Variants in AOPEP observed in about 807,000 individuals in gnomAD.
AOPEP encodes aminopeptidase O (putative), also known as aminopeptidase O.
AOPEP carries 77 observed loss-of-function variants against 98.1 expected under a neutral mutation model. That is an observed-to-expected ratio of 0.78 (90% CI 0.65 to 0.95). AOPEP has a LOEUF of 0.95. AOPEP is among the 40% of genes least tolerant of loss of function. AOPEP has a pLI of 0.00. For missense variants in AOPEP, 1,024 were observed against 1,024.7 expected (o/e 1.00, Z 0.01); for synonymous variants, 346 against 365.3 (o/e 0.95, Z 0.60).
At chr9:95,130,281 T>A in the AOPEP span, among the ~76,000 whole-genome samples, 1 of 148,082 alleles carries the variant, frequency 6.8e-6, no homozygotes, top group South Asian at 2.2e-4. Context: ...ATTTGCTGAT[T>A]CTGTGTGTGT....
chr9:94,980,259 G>T lies in AOPEP; in HGVS notation c.1977+832G>T, dbSNP rs1345322646. On this transcript the variant is annotated intron_variant, in intron 11 of 16. Transcript: ENST00000375315. This position sits in a 1 kb window ranked among gnomAD's most constrained non-coding sequence, Gnocchi z 4.3. ...TCTGAGGGTGGGATCCCAGATGCGC[G>T]GTCAGAGGACCCTGCAGGCTGGGAG... 1.3e-5 allele frequency among the ~76,000 whole-genome samples: 2 copies of T among 152,224 alleles called. No homozygotes were observed. Among genetic ancestry groups the T allele is most frequent in the Admixed American group, 6.5e-5 (1 of 15,290 alleles).
rs184719129 is a variant in AOPEP at position 95,060,757 on chromosome 9, C to G, written c.2179C>G (p.Arg727Gly). 5.0e-6 allele frequency: 8 copies of G among 1,613,972 alleles called. No homozygotes were observed. The African/African-American group carries it at 1.1e-4, about 22-fold the overall frequency. The change falls in exon 14 of 17, where the codon CGA becomes GGA. Residue 727 changes from arginine (R) to glycine (G), a missense_variant. By Grantham distance (125) the Arg-to-Gly change is moderately radical. Transcript: ENST00000375315. The part of the protein sequence containing the change: ...HLLEQKTLSP[R>G]TLQSLQRTYH... ...CTTGGAGCAGAAGACTCTGAGCCCC[C>G]GAACTCTGCAAAGCCTCCAGAGGAC...
the AOPEP span, chr9:95,150,006 C>G: frequency 6.2e-7 from 1 of 1,614,066 alleles, no homozygotes; most frequent in East Asian, 2.2e-5. Flanking sequence ...TGAGGAGAGC[C>G]TCCACCAGGG....
At chr9:94,928,397 G>A in intron 6 of AOPEP, 28 bp from the exon 7 acceptor site, 1 of 1,479,174 alleles carries the variant, frequency 6.8e-7, no homozygotes. Context: ...TTTTGTGCAT[G>A]TGTGTCTGTG....
intron 5 of AOPEP, among the ~76,000 whole-genome samples, chr9:94,887,983 GGCCATTGTTT>G (rs1365820547): frequency 6.6e-6 from 1 of 152,072 alleles, no homozygotes; most frequent in African/African-American, 2.4e-5. Context: ...CCAAGTATAA[GGCCATTGTTT>G]GCTTTGACTA....
chr9:95,117,372 T>A, the AOPEP span: 1 of 1,613,950 alleles, frequency 6.2e-7, no homozygotes, highest in Non-Finnish European at 8.5e-7. Context: ...GGAAAGTAGG[T>A]CTTGAGTGCA....
intron 13 of AOPEP, among the ~76,000 whole-genome samples, chr9:95,027,234 T>C (rs1356453825): frequency 3.9e-5 from 6 of 152,008 alleles, no homozygotes; most frequent in Admixed American, 3.9e-4. Context: ...TATACCCCAG[T>C]GTGGGTGACA....
intron 5 of AOPEP, among the ~76,000 whole-genome samples, chr9:94,802,277 A>G (rs1848366242): frequency 6.6e-6 from 1 of 152,042 alleles, no homozygotes; most frequent in African/African-American, 2.4e-5. Context: ...TTATTTGTAC[A>G]TGGGTTTGAG....
chr9:94,737,298 G>C (rs1587963801), intron 1 of AOPEP, among the ~76,000 whole-genome samples: 1 of 152,108 alleles, frequency 6.6e-6, no homozygotes, highest in East Asian at 1.9e-4. Context: ...TTGTAGAGAT[G>C]GGGGTCTTGC....
intron 5 of AOPEP, among the ~76,000 whole-genome samples, chr9:94,815,205 C>T (rs1469258451): frequency 6.6e-6 from 1 of 152,120 alleles, no homozygotes; most frequent in Non-Finnish European, 1.5e-5. Flanking sequence ...AAAGTGGCCT[C>T]AGGGGTGGCT....
At chr9:94,738,571 T>A (rs947243581) in intron 1 of AOPEP, among the ~76,000 whole-genome samples, 1 of 151,388 alleles carries the variant, frequency 6.6e-6, no homozygotes, top group Non-Finnish European at 1.5e-5. Flanking sequence ...AGAAAAAAAA[T>A]TATTATTATT....
chr9:94,928,369 A>G (rs544234232), intron 6 of AOPEP, 56 bp from the exon 7 acceptor site: 1 of 1,276,298 alleles, frequency 7.8e-7, no homozygotes, highest in Admixed American at 2.0e-5. Flanking sequence ...TTGCACCAGG[A>G]CCACAACAGT....
chr9:95,127,730 G>T, the AOPEP span, among the ~76,000 whole-genome samples: 1 of 152,228 alleles, frequency 6.6e-6, no homozygotes, highest in Non-Finnish European at 1.5e-5. Context: ...AAAAAAGGAG[G>T]CGCTCTGCTC....
Position 94,743,193 on chromosome 9 carries a change from A to AGAGGAAGAAGAG in AOPEP, c.-136+16444_-136+16445insGGAAGAAGAGGA, listed in dbSNP as rs758633963. On this transcript the variant is annotated intron_variant, in intron 1 of 16. Transcript: ENST00000375315. ...AAGAAGAAGAAGAAGAAGAAGAAGA[A>AGAGGAAGAAGAG]GAAGAAGAGGAAGAAGAGGAAGAAG... Among the ~76,000 whole-genome samples, 932 of 121,892 alleles carry AGAGGAAGAAGAG rather than the reference A, an allele frequency of 7.6e-3. 5 individuals are homozygous for AGAGGAAGAAGAG. The highest frequency in any genetic ancestry group is 0.014 in the South Asian group (45 of 3,290). 80.0% of individuals were successfully genotyped at this position (121,892 alleles called of 152,430 possible).
intron 5 of AOPEP, among the ~76,000 whole-genome samples, chr9:94,877,488 T>C (rs1049142736): frequency 2.6e-5 from 4 of 151,070 alleles, no homozygotes; most frequent in African/African-American, 9.8e-5. Context: ...AGTGGTGCGA[T>C]CTCGGCTTAC....
chr9:94,763,055 C>T, intron 2 of AOPEP: 1 of 388,556 alleles, frequency 2.6e-6, no homozygotes, highest in Non-Finnish European at 5.3e-6. Flanking sequence ...TCCTGAATTG[C>T]AGAATATTAT....
intron 13 of AOPEP, among the ~76,000 whole-genome samples, chr9:95,016,095 A>G (rs2062958740): frequency 6.8e-6 from 1 of 146,432 alleles, no homozygotes; most frequent in Admixed American, 6.8e-5. Context: ...AGTCTATTTT[A>G]CTCTCACTCT....
rs550137841 is a variant in AOPEP, at chr9:94,925,409, G to C, written c.1554+1234G>C. Reference sequence around the variant, plus strand: ...GCATACCTGCATGATATTGTTCAAGGTCCTTTGTCTGTTGAAATCTTATTT... The same window carrying C: ...GCATACCTGCATGATATTGTTCAAGCTCCTTTGTCTGTTGAAATCTTATTT... On this transcript the variant is annotated intron_variant, in intron 6 of 16. Transcript: ENST00000375315. 5.3e-4 allele frequency among the ~76,000 whole-genome samples: 81 copies of C among 152,236 alleles called. 1 individual carries two copies. The highest frequency in any genetic ancestry group is 5.2e-3 in the Admixed American group (79 of 15,290).
chr9:94,800,481 C>T (rs1417920241), intron 4 of AOPEP, among the ~76,000 whole-genome samples: 1 of 152,102 alleles, frequency 6.6e-6, no homozygotes. Flanking sequence ...TTAGAGGTCC[C>T]CCCACAACAA....
Sources: gnomAD v4.1 joint callset for allele counts (sites outside exome capture counted in the v4.1 genomes callset) on GRCh38, gnomAD v4.1.1 for gene constraint, Gnocchi (gnomAD v3.1) non-coding constraint, MANE v1.5 for transcripts, NCBI Gene and HGNC (gene_info 2026-07-23, HGNC 2026-07-21) for gene names.